PHACTR1: variants seen among roughly 807,000 people sequenced by gnomAD.
PHACTR1 encodes RPEL repeat containing 1.
PHACTR1 carries 16 observed loss-of-function variants against 69.2 expected under a neutral mutation model. The observed-to-expected ratio is 0.23, with a 90% CI of 0.16 to 0.35. The LOEUF (loss-of-function observed/expected upper bound fraction) is 0.35. Ranked by LOEUF, PHACTR1 falls within the 10% of genes least tolerant of loss-of-function variation. The pLI is 1.00. For missense variants in PHACTR1, 510 were observed against 734.7 expected, an observed-to-expected ratio of 0.69 and a Z score of 3.54; for synonymous variants, 312 against 284.5, an observed-to-expected ratio of 1.10 and a Z score of -0.97.
intron 4 of PHACTR1, among the ~76,000 whole-genome samples, chr6:13,003,794 A>G (rs1798383271): frequency 6.6e-6 from 1 of 151,198 alleles, no homozygotes; most frequent in African/African-American, 2.4e-5. Context: ...GTCCATGTCC[A>G]CGGGTACCCA....
intron 10 of PHACTR1, among the ~76,000 whole-genome samples, chr6:13,251,287 G>A (rs990606362): frequency 3.3e-5 from 5 of 152,214 alleles, no homozygotes; most frequent in Non-Finnish European, 7.3e-5. Flanking sequence ...TGAGGGGAAC[G>A]TTACACAATC....
chr6:12,889,037 C>T (rs1783909011), intron 4 of PHACTR1, among the ~76,000 whole-genome samples: 1 of 151,816 alleles, frequency 6.6e-6, no homozygotes, highest in African/African-American at 2.4e-5. Context: ...ATTTGGGAGG[C>T]CAAGGTGGAA....
At chr6:13,218,595 C>A (rs2127266966) in intron 8 of PHACTR1, among the ~76,000 whole-genome samples, 1 of 152,102 alleles carries the variant, frequency 6.6e-6, no homozygotes, top group South Asian at 2.1e-4. Flanking sequence ...GTAATCCTAA[C>A]AACTTTGGGA....
chr6:13,081,800 C>G (rs1400357240), intron 5 of PHACTR1, among the ~76,000 whole-genome samples: 1 of 152,174 alleles, frequency 6.6e-6, no homozygotes, highest in Non-Finnish European at 1.5e-5. Flanking sequence ...GCACTTCAGC[C>G]TAGGCGATGG....
chr6:12,965,045 C>T (rs572187563), intron 4 of PHACTR1, among the ~76,000 whole-genome samples: 13 of 152,290 alleles, frequency 8.5e-5, no homozygotes, highest in Middle Eastern at 3.4e-3. Flanking sequence ...TATGTACATC[C>T]TCACACACAG....
At chr6:12,994,966 C>A (rs1797252849) in intron 4 of PHACTR1, among the ~76,000 whole-genome samples, 1 of 151,894 alleles carries the variant, frequency 6.6e-6, no homozygotes, top group African/African-American at 2.4e-5. Context: ...CCTCACTGAA[C>A]AAAGGAATCG....
intron 4 of PHACTR1, among the ~76,000 whole-genome samples, chr6:12,922,714 T>C (rs1350826383): frequency 6.6e-6 from 1 of 152,218 alleles, no homozygotes; most frequent in Non-Finnish European, 1.5e-5. Context: ...AGAAGGAGTA[T>C]GGAAGTAAAT....
chr6:13,099,175 G>A (rs1463504092), intron 5 of PHACTR1, among the ~76,000 whole-genome samples: 1 of 152,192 alleles, frequency 6.6e-6, no homozygotes, highest in Non-Finnish European at 1.5e-5. Context: ...CTGTCTAAAT[G>A]TAACTTGCTC....
chr6:12,841,637 T>C (rs773256483), intron 4 of PHACTR1, among the ~76,000 whole-genome samples: 6 of 152,188 alleles, frequency 3.9e-5, no homozygotes, highest in Non-Finnish European at 8.8e-5. Flanking sequence ...TCAAACGGAA[T>C]AATTCAGCAT....
chr6:13,158,244 C>T (rs1206064555), intron 5 of PHACTR1, among the ~76,000 whole-genome samples: 1 of 152,128 alleles, frequency 6.6e-6, no homozygotes, highest in Non-Finnish European at 1.5e-5. Flanking sequence ...ATTCCCTGTC[C>T]CTTCTCCAGC....
At chr6:12,758,828 AAAAG>A (rs1370846542) in intron 4 of PHACTR1, among the ~76,000 whole-genome samples, 1 of 152,168 alleles carries the variant, frequency 6.6e-6, no homozygotes, top group Non-Finnish European at 1.5e-5. Context: ...TAGTATTAAA[AAAAG>A]AAAATTGGGG....
intron 4 of PHACTR1, among the ~76,000 whole-genome samples, chr6:13,031,646 C>A (rs1193980887): frequency 6.6e-6 from 1 of 152,130 alleles, no homozygotes. Flanking sequence ...TTCTACCTGT[C>A]TAGCAGGACA....
chr6:12,988,737 C>T (rs188196473), intron 4 of PHACTR1, among the ~76,000 whole-genome samples: 5 of 152,266 alleles, frequency 3.3e-5, no homozygotes, highest in African/African-American at 9.6e-5. Context: ...CAGTCATGTT[C>T]GAATTTCAGC....
chr6:12,717,168 A>G (rs1472801585), intron 1 of PHACTR1, among the ~76,000 whole-genome samples: 1 of 152,120 alleles, frequency 6.6e-6, no homozygotes, highest in African/African-American at 2.4e-5. Context: ...TTAAGCTAAA[A>G]TGGCCTTTCC....
chr6:13,069,821 A>G (rs1043053563), intron 5 of PHACTR1, among the ~76,000 whole-genome samples: 3 of 152,186 alleles, frequency 2.0e-5, no homozygotes, highest in Non-Finnish European at 2.9e-5. Flanking sequence ...GAATCTTGCA[A>G]CAGACCTATA....
At chr6:12,941,927 C>T (rs1790102084) in intron 4 of PHACTR1, among the ~76,000 whole-genome samples, 1 of 152,164 alleles carries the variant, frequency 6.6e-6, no homozygotes, top group African/African-American at 2.4e-5. Flanking sequence ...TTTTCTAATA[C>T]AGACAGAGAG....
chr6:12,943,923 GT>G (rs1316836457), intron 4 of PHACTR1, among the ~76,000 whole-genome samples: 16 of 152,106 alleles, frequency 1.1e-4, no homozygotes, highest in African/African-American at 3.9e-4. Context: ...GAATTTTCTT[GT>G]TTTTGCTGGA....
intron 5 of PHACTR1, among the ~76,000 whole-genome samples, chr6:13,148,215 G>C (rs1484232144): frequency 6.8e-6 from 1 of 146,928 alleles, no homozygotes; most frequent in Non-Finnish European, 1.5e-5. Context: ...AAACATAAGA[G>C]AAGTTGAGAG....
chr6:13,026,213 T>C (rs149155485), intron 4 of PHACTR1, among the ~76,000 whole-genome samples: 1 of 152,296 alleles, frequency 6.6e-6, no homozygotes, highest in African/African-American at 2.4e-5. Context: ...TGCAGAAATC[T>C]AAGAGTGCAA....
Sources: allele counts gnomAD v4.1 joint callset (sites outside exome capture counted in the v4.1 genomes callset), GRCh38; gene constraint gnomAD v4.1.1; transcripts MANE v1.5; gene names NCBI Gene and HGNC (gene_info 2026-07-23, HGNC 2026-07-21).